Variants in PAFAH2 observed in about 807,000 individuals in gnomAD.
PAFAH2 encodes platelet-activating factor acetylhydrolase 2, cytoplasmic.
A neutral mutation model predicts 49.0 loss-of-function variants in PAFAH2; 42 were observed. The ratio of observed to expected loss-of-function variants is 0.86; its 90% CI spans 0.67 to 1.11. The LOEUF (loss-of-function observed/expected upper bound fraction) is 1.11, where lower values mean the gene tolerates loss of function less well. PAFAH2 is among the 50% of genes least tolerant of loss of function. The pLI, the probability that PAFAH2 is intolerant of heterozygous loss-of-function variation, is 0.00. For missense variants in PAFAH2, 503 were observed against 501.8 expected, an observed-to-expected ratio of 1.00 and a Z score of -0.02; for synonymous variants, 184 against 181.3, an observed-to-expected ratio of 1.01 and a Z score of -0.12.
Position 25,989,518 on chromosome 1 carries a change from G to GTA in PAFAH2, c.172_173dup (p.Cys59ThrfsTer46). 1.2e-6 allele frequency: 2 copies of GTA among 1,613,008 alleles called. No individual in the cohort carries two copies. ...GCAGGTACTCGGCCAGGCCAGTGCA[G>GTA]TACTCATAGCGGGGAATCCACAGGG... On this transcript the variant is annotated frameshift_variant, in exon 3 of 11. Transcript: ENST00000374282. LOFTEE classifies it high-confidence loss of function.
intron 7 of PAFAH2, among the ~76,000 whole-genome samples, chr1:25,979,838 C>A (rs2049656041): frequency 6.6e-6 from 1 of 152,166 alleles, no homozygotes; most frequent in South Asian, 2.1e-4. Context: ...GTTGGCCAGG[C>A]TGGTATCGAA....
At chr1:25,995,949 T>A (rs2049930872) in intron 1 of PAFAH2, among the ~76,000 whole-genome samples, 1 of 152,178 alleles carries the variant, frequency 6.6e-6, no homozygotes, top group South Asian at 2.1e-4. Context: ...TATGAAATAA[T>A]GGGGGACAAA....
chr1:25,966,345 T>G (rs2049422543), intron 10 of PAFAH2, among the ~76,000 whole-genome samples: 1 of 152,020 alleles, frequency 6.6e-6, no homozygotes, highest in Non-Finnish European at 1.5e-5. Context: ...CTAGCCACAA[T>G]AGCAAAGATA....
In PAFAH2 at chr1:25,982,545, T is replaced by C; in HGVS notation, c.553-68A>G. ...CTGTCCAGCGAGAATCTCCCTCACG[T>C]ACAGAGCCAAGGAAGAATGCACAGA... On this transcript the variant is annotated intron_variant, in intron 6 of 10. Coordinates refer to ENST00000374282, the MANE Select transcript of PAFAH2 (RefSeq NM_000437.4). 5 of 1,223,848 alleles carry C rather than the reference T, an allele frequency of 4.1e-6. No homozygotes were observed. In the South Asian group the frequency reaches 6.1e-5, roughly 15 times the overall value. The allele number at this position is 1,223,848 out of a possible 1,614,324, so 75.8% of individuals were successfully genotyped here. A position where few individuals can be genotyped will look rare whatever the true frequency, so the allele number is the denominator to read the frequency against.
intron 7 of PAFAH2, among the ~76,000 whole-genome samples, chr1:25,979,369 G>C (rs749938324): frequency 1.2e-4 from 18 of 149,276 alleles, no homozygotes; most frequent in Non-Finnish European, 2.2e-4. Flanking sequence ...AGGCTGGAGT[G>C]CAGTGGCACA....
At chr1:25,981,691 A>G (rs922549847) in intron 7 of PAFAH2, among the ~76,000 whole-genome samples, 1 of 152,178 alleles carries the variant, frequency 6.6e-6, no homozygotes, top group Non-Finnish European at 1.5e-5. Flanking sequence ...GCTTTCCCAG[A>G]TTAGTGGAAG....
At chr1:25,969,220 G>A (rs948705847) in intron 10 of PAFAH2, among the ~76,000 whole-genome samples, 2 of 152,168 alleles carry the variant, frequency 1.3e-5, no homozygotes, top group South Asian at 2.1e-4. Context: ...AAGCATTTAT[G>A]CCTTCTGTCC....
At position 25,982,560 on chromosome 1, in the gene PAFAH2, GAATGCACA is replaced by G. The variant is rs373078845; in HGVS notation, c.553-91_553-84del. The G allele has an allele frequency of 3.1e-4, 335 of 1,070,446 alleles. No individual in the cohort carries two copies. In the African/African-American group the frequency reaches 4.0e-3, roughly 13 times the overall value. The allele number at this position is 1,070,446 out of a possible 1,614,324, so 66.3% of individuals were successfully genotyped here. ...CTCCCTCACGTACAGAGCCAAGGAA[GAATGCACA>G]GATAGTCTACCCACCCACGCCTCAG... On this transcript the variant is annotated intron_variant, in intron 6 of 10. Transcript: ENST00000374282.
intron 10 of PAFAH2, among the ~76,000 whole-genome samples, chr1:25,963,424 A>G (rs1434604188): frequency 6.6e-6 from 1 of 152,198 alleles, no homozygotes; most frequent in Non-Finnish European, 1.5e-5. Context: ...GCCATGGAAA[A>G]AAAATAGAGC....
intron 6 of PAFAH2, among the ~76,000 whole-genome samples, 158 bp from the exon 7 acceptor site, chr1:25,982,635 T>G (rs2049708755): frequency 6.6e-6 from 1 of 152,336 alleles, no homozygotes; most frequent in African/African-American, 2.4e-5. Context: ...CTCAGCTACC[T>G]TGCAGCTCAC....
At position 25,985,337 on chromosome 1, in the gene PAFAH2, A is replaced by G. The variant is rs78710353; in HGVS notation, c.342-809T>C. ...AATGGTTAGGTATTTAACTGCACAT[A>G]TTCCAACTTAGGATAGGAAACCATA... On this transcript the variant is annotated intron_variant, in intron 4 of 10. Transcript: ENST00000374282. Among the ~76,000 whole-genome samples the G allele has an allele frequency of 6.0e-4, 91 of 152,370 alleles. 3 individuals carry two copies. In the East Asian group the frequency reaches 0.017, roughly 28 times the overall value.
At chr1:25,988,425 C>G (rs2124362872) in intron 3 of PAFAH2, 98 bp from the exon 4 acceptor site, 1 of 829,166 alleles carries the variant, frequency 1.2e-6, no homozygotes, top group East Asian at 2.7e-5. Context: ...GTGTTTCTCC[C>G]CTCTGGAGAA....
intron 1 of PAFAH2, among the ~76,000 whole-genome samples, chr1:25,994,571 T>C (rs1217139259): frequency 2.0e-5 from 3 of 152,306 alleles, no homozygotes; most frequent in African/African-American, 4.8e-5. Context: ...TCTGGTGTGG[T>C]ACCTGACTCT....
chr1:25,992,746 C>T (rs2049893500), intron 1 of PAFAH2, among the ~76,000 whole-genome samples: 1 of 152,152 alleles, frequency 6.6e-6, no homozygotes, highest in African/African-American at 2.4e-5. Flanking sequence ...TGTCCCTTGC[C>T]TTGTGATTTG....
At chr1:25,992,805 G>A (rs1351708417) in intron 1 of PAFAH2, among the ~76,000 whole-genome samples, 3 of 152,306 alleles carry the variant, frequency 2.0e-5, no homozygotes, top group African/African-American at 2.4e-5. Context: ...TTAATTAACC[G>A]GAGCCAATCA....
At chr1:25,989,661 G>C (rs913802786) in intron 2 of PAFAH2, 60 bp from the exon 3 acceptor site, 1 of 1,339,968 alleles carries the variant, frequency 7.5e-7, no homozygotes, top group Non-Finnish European at 9.7e-7. Context: ...TTTCCCAACA[G>C]CCACACTCAG....
chr1:25,984,759 G>C (rs1169560428), intron 4 of PAFAH2, among the ~76,000 whole-genome samples: 1 of 152,094 alleles, frequency 6.6e-6, no homozygotes, highest in Non-Finnish European at 1.5e-5. Context: ...AATTGATACA[G>C]GGAGATCAGG....
At chr1:25,966,003 C>T (rs1223144258) in intron 10 of PAFAH2, among the ~76,000 whole-genome samples, 2 of 150,780 alleles carry the variant, frequency 1.3e-5, no homozygotes, top group African/African-American at 4.9e-5. Context: ...AAGTGTCCCA[C>T]AAACATATTT....
intron 5 of PAFAH2, 34 bp from the exon 6 acceptor site, chr1:25,984,121 A>AAAC: frequency 3.7e-6 from 6 of 1,612,470 alleles, no homozygotes; most frequent in Non-Finnish European, 5.1e-6. Context: ...AGAAACCAGA[A>AAAC]AACATTCTTG....
Sources: gnomAD v4.1 joint callset for allele counts (sites outside exome capture counted in the v4.1 genomes callset) on GRCh38, gnomAD v4.1.1 for gene constraint, MANE v1.5 for transcripts, NCBI Gene and HGNC (gene_info 2026-07-23, HGNC 2026-07-21) for gene names.